CSMD3: variants seen among roughly 807,000 people sequenced by gnomAD.
The protein encoded by CSMD3 is CUB and Sushi multiple domains 3, also known as CUB and sushi domain-containing protein 3.
Under a neutral mutation model 435.2 loss-of-function variants are expected in CSMD3, and 177 were observed. That is an observed-to-expected ratio of 0.41 (90% CI 0.36 to 0.46). The LOEUF is 0.46. Ranked by LOEUF, CSMD3 falls within the 20% of genes least tolerant of loss-of-function variation. The pLI is 0.34. For missense variants in CSMD3, 4,265 were observed against 4,504.6 expected, an observed-to-expected ratio of 0.95 and a Z score of 1.52; for synonymous variants, 1,656 against 1,520.5, an observed-to-expected ratio of 1.09 and a Z score of -2.07.
chr8:113,096,217 T>A (rs1315583394), intron 5 of CSMD3, among the ~76,000 whole-genome samples: 1 of 152,030 alleles, frequency 6.6e-6, no homozygotes. Context: ...ACTTCACACA[T>A]CCAAATTTAA....
In CSMD3 at chr8:112,320,081, A is replaced by G. The variant is rs986989923; in HGVS notation, c.7166-100T>C. ...ATTATGGAAAGTTGTTTAAAAAAATAAAAATAAATTACATAATTTATCAAG... is the reference window on the plus strand; with the variant it reads ...ATTATGGAAAGTTGTTTAAAAAAATGAAAATAAATTACATAATTTATCAAG... On this transcript the variant is annotated intron_variant, in intron 45 of 70. Transcript: ENST00000297405. The G allele has an allele frequency of 1.8e-4, 133 of 754,842 alleles. No homozygotes were observed. In the Middle Eastern group the frequency reaches 2.1e-3, roughly 12 times the overall value. 46.8% of individuals were successfully genotyped at this position (754,842 alleles called of 1,614,324 possible).
intron 30 of CSMD3, among the ~76,000 whole-genome samples, chr8:112,501,167 ATCT>A (rs1480254554): frequency 1.3e-5 from 2 of 151,692 alleles, no homozygotes; most frequent in African/African-American, 4.8e-5. Flanking sequence ...CCTGTCCTTA[ATCT>A]TCTTGGCGCC....
At chr8:113,431,381 C>G (rs1402211147) in intron 1 of CSMD3, among the ~76,000 whole-genome samples, 1 of 152,124 alleles carries the variant, frequency 6.6e-6, no homozygotes, top group African/African-American at 2.4e-5. Context: ...TTACTTGTAT[C>G]TTACACATTT....
intron 27 of CSMD3, among the ~76,000 whole-genome samples, chr8:112,536,210 G>T (rs1383110377): frequency 2.0e-5 from 3 of 150,780 alleles, no homozygotes; most frequent in Admixed American, 2.0e-4. Flanking sequence ...CACAGCAAAA[G>T]AAACTACCAT....
chr8:112,807,122 C>T lies in CSMD3; in HGVS notation c.1860-6848G>A, dbSNP rs1252124173. ...TGTACCTTACCCCTGATGTCAATTC[C>T]CATGAGTTACCTAGTAAAGAAAATC... On this transcript the variant is annotated intron_variant, in intron 12 of 70. Transcript: ENST00000297405. 2.6e-5 allele frequency among the ~76,000 whole-genome samples: 4 copies of T among 152,136 alleles called. 1 individual carries two copies. Among genetic ancestry groups the T allele is most frequent in the Non-Finnish European group, 4.4e-5 (3 of 68,030 alleles).
intron 1 of CSMD3, among the ~76,000 whole-genome samples, chr8:113,383,847 T>C (rs991269308): frequency 6.6e-6 from 1 of 152,154 alleles, no homozygotes; most frequent in Non-Finnish European, 1.5e-5. Flanking sequence ...GTTTCCTTTA[T>C]TCAAATGCTG....
intron 4 of CSMD3, among the ~76,000 whole-genome samples, chr8:113,123,328 T>C (rs897920852): frequency 1.3e-5 from 2 of 152,114 alleles, no homozygotes; most frequent in African/African-American, 4.8e-5. Flanking sequence ...AGTCATGATT[T>C]CGTCCTTTTG....
At chr8:112,743,722 ATG>A (rs1345883463) in intron 13 of CSMD3, among the ~76,000 whole-genome samples, 1 of 152,054 alleles carries the variant, frequency 6.6e-6, no homozygotes, top group African/African-American at 2.4e-5. Context: ...GATTTTTAAA[ATG>A]TGTTTCTTTA....
chr8:113,234,293 C>A (rs2093123308), intron 3 of CSMD3, among the ~76,000 whole-genome samples: 1 of 152,090 alleles, frequency 6.6e-6, no homozygotes, highest in South Asian at 2.1e-4. Context: ...GGCATCGAAT[C>A]TTTCCAGTTT....
At position 112,406,734 on chromosome 8, in the gene CSMD3, A is replaced by T; in HGVS notation, c.5606-7T>A. ...GAACTTGTTCTAGGAACAGCTGTGT[A>T]GAAATATTATATTTATTTTAATTTT... On this transcript the variant is annotated splice_polypyrimidine_tract_variant and splice_region_variant and intron_variant, in intron 34 of 70. Coordinates refer to ENST00000297405, the MANE Select transcript of CSMD3 (RefSeq NM_198123.2). 1.3e-6 allele frequency: 2 copies of T among 1,543,360 alleles called. No homozygotes were observed. Among genetic ancestry groups the T allele is most frequent in the Non-Finnish European group, 1.8e-6 (2 of 1,126,418 alleles).
rs575519109 is a variant in CSMD3 at position 112,842,419 on chromosome 8, G to A, written c.1756-12630C>T. On this transcript the variant is annotated intron_variant, in intron 11 of 70. Coordinates refer to ENST00000297405, the MANE Select transcript of CSMD3 (RefSeq NM_198123.2). ...TATGAGAGTGTGTGTTATCTGCACC[G>A]TAGGAAACTAAGCTCAAACGTTAGT... 2.8e-4 allele frequency among the ~76,000 whole-genome samples: 43 copies of A among 151,874 alleles called. 1 individual carries two copies. In the South Asian group the frequency reaches 7.3e-3, roughly 26 times the overall value.
chr8:112,926,002 G>A (rs1428689181), intron 9 of CSMD3, among the ~76,000 whole-genome samples: 3 of 152,084 alleles, frequency 2.0e-5, no homozygotes, highest in African/African-American at 7.2e-5. Context: ...TCTATATTGG[G>A]CATTTGCAAA....
Position 113,176,896 on chromosome 8 carries a change from TA to T in CSMD3, c.515-2981del, listed in dbSNP as rs112329457. Among the ~76,000 whole-genome samples the T allele has an allele frequency of 6.4e-3, 909 of 142,580 alleles. 11 individuals are homozygous for T. Among genetic ancestry groups the T allele is most frequent in the African/African-American group, 0.022 (843 of 39,078 alleles). 93.5% of individuals were successfully genotyped at this position (142,580 alleles called of 152,430 possible). On this transcript the variant is annotated intron_variant, in intron 3 of 70. Coordinates refer to ENST00000297405, the MANE Select transcript of CSMD3 (RefSeq NM_198123.2). ...CACATCCTGGACATATACCCAAACT[TA>T]AAAAAAAAAATAAAGTATGTTTAAA... is the stretch of plus-strand genomic sequence containing the variant.
At chr8:113,112,389 ATATATAT>A (rs2090671580) in intron 4 of CSMD3, among the ~76,000 whole-genome samples, 1 of 148 alleles carries the variant, frequency 6.8e-3, no homozygotes, top group Non-Finnish European at 9.8e-3. Context: ...AATAAAACAT[ATATATAT>A]ATATATATAT....
intron 9 of CSMD3, among the ~76,000 whole-genome samples, chr8:112,929,621 C>T (rs2083039860): frequency 6.6e-6 from 1 of 151,720 alleles, no homozygotes; most frequent in South Asian, 2.1e-4. Context: ...TACATAAGCA[C>T]AATATTTTTA....
chr8:113,433,831 A>G (rs2094689630), intron 1 of CSMD3, among the ~76,000 whole-genome samples: 1 of 152,078 alleles, frequency 6.6e-6, no homozygotes, highest in South Asian at 2.1e-4. Flanking sequence ...GACACGCTGC[A>G]GCTGGAGGCA....
chr8:113,363,210 G>C (rs1287665402), intron 1 of CSMD3, among the ~76,000 whole-genome samples: 1 of 152,064 alleles, frequency 6.6e-6, no homozygotes, highest in Non-Finnish European at 1.5e-5. Context: ...AAGTTCATAA[G>C]AAAATTACAC....
At chr8:112,568,561 G>GAAA (rs558484645) in intron 24 of CSMD3, among the ~76,000 whole-genome samples, 1 of 129,570 alleles carries the variant, frequency 7.7e-6, no homozygotes, top group Admixed American at 8.2e-5. Context: ...GCAAGGCACT[G>GAAA]AAAAAAAAAA....
intron 3 of CSMD3, among the ~76,000 whole-genome samples, chr8:113,176,803 T>C (rs1441271460): frequency 6.6e-6 from 1 of 151,648 alleles, no homozygotes; most frequent in East Asian, 1.9e-4. Context: ...CTGGGCTCAA[T>C]ATCTAGGTGA....
Sources: gnomAD v4.1 joint callset for allele counts (sites outside exome capture counted in the v4.1 genomes callset) on GRCh38, gnomAD v4.1.1 for gene constraint, MANE v1.5 for transcripts, NCBI Gene and HGNC (gene_info 2026-07-23, HGNC 2026-07-21) for gene names.